Variants in USP24 observed in about 807,000 individuals in gnomAD.
USP24 encodes ubiquitin carboxyl-terminal hydrolase 24.
USP24 carries 97 observed loss-of-function variants against 361.6 expected under a neutral mutation model. That is an observed-to-expected ratio of 0.27 (90% CI 0.23 to 0.32). The LOEUF is 0.32. Among genes scored for constraint, USP24 ranks in the 10% least tolerant of loss-of-function variants. The probability of loss-of-function intolerance (pLI) is 1.00; values close to 1 mark genes in which losing one functional copy is unlikely to be tolerated. For missense variants in USP24, 2,353 were observed against 3,165.6 expected, an observed-to-expected ratio of 0.74 and a Z score of 6.16; for synonymous variants, 1,098 against 1,124.6, an observed-to-expected ratio of 0.98 and a Z score of 0.47.
At chr1:55,214,628 C>T (rs1467167651) in intron 1 of USP24, among the ~76,000 whole-genome samples, 162 bp downstream of exon 1, 1 of 152,224 alleles carries the variant, frequency 6.6e-6, no homozygotes, top group South Asian at 2.1e-4. Flanking sequence ...GACTTCGGTT[C>T]CCAACTGGAG....
At chr1:55,157,456 A>G in intron 10 of USP24, 86 bp from the exon 11 acceptor site, 1 of 765,792 alleles carries the variant, frequency 1.3e-6, no homozygotes, top group Non-Finnish European at 2.0e-6. Context: ...ACAATGTTAC[A>G]ATGTGCTTCA....
rs1229411281 is a variant in USP24 at position 55,078,636 on chromosome 1, G to A, written c.7216C>T (p.Arg2406Trp). 2 of 1,606,458 alleles carry A rather than the reference G, an allele frequency of 1.2e-6. No individual in the cohort carries two copies. Among genetic ancestry groups the A allele is most frequent in the African/African-American group, 1.3e-5 (1 of 74,848 alleles). Residue 2406 changes from arginine (R) to tryptophan (W), a missense_variant, in exon 61 of 68, where the codon CGG (arginine) becomes TGG (tryptophan). Coordinates refer to ENST00000294383, the MANE Select transcript of USP24 (RefSeq NM_015306.3). ...PYLLEVMFAL[R>W]ELTGSLLALI... Reference sequence around the variant, plus strand: ...GCCAAGAGCGAGCCTGTCAGCTCCCGCAAAGCAAACATTACCTGGTGGGAA... The same window carrying A: ...GCCAAGAGCGAGCCTGTCAGCTCCCACAAAGCAAACATTACCTGGTGGGAA...
intron 7 of USP24, 95 bp from the exon 8 acceptor site, chr1:55,162,359 T>TA (rs1648379339): frequency 9.0e-7 from 1 of 1,105,276 alleles, no homozygotes; most frequent in South Asian, 1.9e-5. Flanking sequence ...GAGAAAAGTT[T>TA]AAATAGTGAG....
In USP24 at chr1:55,089,506, A is replaced by C. The variant is rs1034229726; in HGVS notation, c.6668+121T>G. The C allele has an allele frequency of 6.7e-5, 47 of 703,068 alleles. 1 individual carries two copies. The Admixed American group carries it at 7.5e-4, about 11-fold the overall frequency. 43.6% of individuals were successfully genotyped at this position (703,068 alleles called of 1,614,324 possible). ...CTCACTGTTTCAGTGAAGAGAGTTT[A>C]AAATAGACTTTAAGCAGAACAATAA... On this transcript the variant is annotated intron_variant, in intron 55 of 67. Coordinates refer to ENST00000294383, the MANE Select transcript of USP24 (RefSeq NM_015306.3).
intron 61 of USP24, 106 bp downstream of exon 61, chr1:55,078,432 C>A: frequency 1.4e-6 from 1 of 720,882 alleles, no homozygotes; most frequent in Non-Finnish European, 2.1e-6. Context: ...TTAGGAAAAA[C>A]AACTTAGGCT....
At chr1:55,183,863 G>A (rs780799528) in intron 1 of USP24, among the ~76,000 whole-genome samples, 8 of 152,110 alleles carry the variant, frequency 5.3e-5, no homozygotes, top group East Asian at 1.9e-4. Context: ...CAGAACAGAC[G>A]TTAAGGCAAG....
rs1175045730 is a variant in USP24, at chr1:55,120,686, T to C, written c.4418A>G (p.Gln1473Arg). 6.4e-7 allele frequency: 1 copy of C among 1,570,752 alleles called. No individual in the cohort carries two copies. Among genetic ancestry groups the C allele is most frequent in the South Asian group, 1.2e-5 (1 of 85,314 alleles). Residue 1473 changes from glutamine to arginine, a missense_variant, in exon 38 of 68, where the codon CAG (glutamine) becomes CGG (arginine). Around this residue, in one of 8 missense-constraint regions of USP24, gnomAD observed 949 missense variants for 1,280.5 expected, o/e 0.74. Transcript: ENST00000294383. ...QTDTSAHPDV[Q>R]KPNQFLLGVI... ...GCCTAGAAGAAACTGATTTGGCTTCTGCACATCTGGATGCGCTGATGTGTC... is the reference window on the plus strand; with the variant it reads ...GCCTAGAAGAAACTGATTTGGCTTCCGCACATCTGGATGCGCTGATGTGTC...
intron 40 of USP24, 139 bp downstream of exon 40, chr1:55,107,100 A>T: frequency 2.1e-6 from 2 of 954,784 alleles, no homozygotes; most frequent in Non-Finnish European, 2.9e-6. Context: ...CACTAAAATA[A>T]CGGACAATTT....
intron 32 of USP24, 43 bp from the exon 33 acceptor site, chr1:55,125,801 T>C (rs1371352953): frequency 7.0e-7 from 1 of 1,434,322 alleles, no homozygotes; most frequent in Non-Finnish European, 9.4e-7. Context: ...AAGACTTCTA[T>C]TTTTTTTCAT....
chr1:55,079,248 T>C (rs1329569376), intron 60 of USP24, among the ~76,000 whole-genome samples: 1 of 152,134 alleles, frequency 6.6e-6, no homozygotes, highest in African/African-American at 2.4e-5. Flanking sequence ...AGATTGGGGA[T>C]GAAACCCTCT....
chr1:55,181,964 A>T (rs1643980687), intron 1 of USP24, among the ~76,000 whole-genome samples: 1 of 152,264 alleles, frequency 6.6e-6, no homozygotes, highest in Non-Finnish European at 1.5e-5. Context: ...CCTGTTTGTC[A>T]GTGCACAGAG....
chr1:55,099,925 T>A (rs17111621), intron 44 of USP24, 56 bp from the exon 45 acceptor site: 2 of 1,300,512 alleles, frequency 1.5e-6, no homozygotes, highest in African/African-American at 3.0e-5. Context: ...CTGAATGTGG[T>A]AGAAAGGGAA....
Position 55,145,855 on chromosome 1 carries a change from A to G in USP24, c.2362+143T>C, listed in dbSNP as rs1647014900. The G allele has an allele frequency of 6.7e-6, 4 of 596,220 alleles. No homozygotes were observed. The Admixed American group carries it at 1.3e-4, about 19-fold the overall frequency. The allele number at this position is 596,220 out of a possible 1,614,324, so 36.9% of individuals were successfully genotyped here. On this transcript the variant is annotated intron_variant, in intron 20 of 67. Transcript: ENST00000294383. ...GTAGAAAGGAATTTGAGTACTAAATATGTCTTTAGATGCACAAGAAAAATT... is the reference window on the plus strand; with the variant it reads ...GTAGAAAGGAATTTGAGTACTAAATGTGTCTTTAGATGCACAAGAAAAATT...
chr1:55,185,329 A>G (rs546402980), intron 1 of USP24, among the ~76,000 whole-genome samples: 2 of 152,006 alleles, frequency 1.3e-5, no homozygotes, highest in East Asian at 3.9e-4. Flanking sequence ...ATAACCTCCC[A>G]CTTTCAGAAA....
chr1:55,089,665 A>G lies in USP24; in HGVS notation c.6630T>C (p.Val2210=). 1 of 1,602,042 alleles carries G rather than the reference A, an allele frequency of 6.2e-7. No individual in the cohort carries two copies. Among genetic ancestry groups the G allele is most frequent in the Admixed American group, 1.7e-5 (1 of 58,430 alleles). ...SKSFDACQWL[V]EYFISSEGRE... Reference sequence around the variant, plus strand: ...GTCCTTCAGAACTAATAAAATATTCAACTAACCACTGACAAGCATCAAAAC... The same window carrying G: ...GTCCTTCAGAACTAATAAAATATTCGACTAACCACTGACAAGCATCAAAAC... Residue 2210 remains valine (V), a synonymous_variant, in exon 55 of 68, where the codon GTT becomes GTC. Coordinates refer to ENST00000294383, the MANE Select transcript of USP24 (RefSeq NM_015306.3).
chr1:55,213,989 C>T (rs569693273), intron 1 of USP24, among the ~76,000 whole-genome samples: 4 of 152,078 alleles, frequency 2.6e-5, no homozygotes, highest in Admixed American at 1.3e-4. Flanking sequence ...TTATCGATGA[C>T]CAGTACTCCC....
At chr1:55,105,643 TAC>T (rs1645750393) in intron 41 of USP24, among the ~76,000 whole-genome samples, 1 of 152,122 alleles carries the variant, frequency 6.6e-6, no homozygotes, top group Admixed American at 6.6e-5. Context: ...GGGTCAACAT[TAC>T]AAAGAGATCT....
At chr1:55,113,673 C>T (rs1406393982) in intron 38 of USP24, among the ~76,000 whole-genome samples, 3 of 152,184 alleles carry the variant, frequency 2.0e-5, no homozygotes, top group Non-Finnish European at 4.4e-5. Flanking sequence ...CATCAAAAAG[C>T]TATCCACCAC....
intron 1 of USP24, among the ~76,000 whole-genome samples, chr1:55,201,353 C>T (rs571601569): frequency 3.3e-5 from 5 of 151,918 alleles, no homozygotes; most frequent in South Asian, 4.2e-4. Context: ...TGCCTGTAAT[C>T]GCACTTTGGG....
Sources: allele counts gnomAD v4.1 joint callset (sites outside exome capture counted in the v4.1 genomes callset), GRCh38; gene constraint gnomAD v4.1.1; regional missense constraint gnomAD v4.1.1; transcripts MANE v1.5; gene names NCBI Gene and HGNC (gene_info 2026-07-23, HGNC 2026-07-21).